Variants in NRG1 observed in about 807,000 individuals in gnomAD.
NRG1 encodes the protein neuregulin 1.
Under a neutral mutation model 63.8 loss-of-function variants are expected in NRG1, and 18 were observed. That is an observed-to-expected ratio of 0.28 (90% CI 0.19 to 0.42). The LOEUF (loss-of-function observed/expected upper bound fraction) is 0.42, where lower values mean the gene tolerates loss of function less well. Ranked by LOEUF, NRG1 falls within the 10% of genes least tolerant of loss-of-function variation. The pLI is 1.00. For synonymous variants in NRG1, 302 were observed against 301.3 expected (o/e 1.00, Z -0.02); for missense variants, 762 against 814.7 (o/e 0.94, Z 0.79).
chr8:31,841,860 A>G (rs1171385042), intron 1 of NRG1, among the ~76,000 whole-genome samples: 1 of 152,192 alleles, frequency 6.6e-6, no homozygotes, highest in Non-Finnish European at 1.5e-5. Context: ...AGATAACATC[A>G]GGCTGCAGAG....
rs541280130 is a variant in NRG1 at position 31,717,226 on chromosome 8, G to A, written c.37+77795G>A. Among the ~76,000 whole-genome samples the A allele has an allele frequency of 9.8e-4, 149 of 152,038 alleles. 1 individual carries two copies. The highest frequency in any genetic ancestry group is 3.5e-3 in the African/African-American group (145 of 41,486). On this transcript the variant is annotated intron_variant, in intron 1 of 10. Transcript: ENST00000519301. ...GTTTGAGACAAGCCTGGCCAATATG[G>A]TGAAACCCTGTGTCTACTAAAAAAA... is the stretch of plus-strand genomic sequence containing the variant.
chr8:32,130,868 G>T (rs890591334), intron 1 of NRG1, among the ~76,000 whole-genome samples: 1 of 151,926 alleles, frequency 6.6e-6, no homozygotes, highest in African/African-American at 2.4e-5. Context: ...AAGAAGGCAG[G>T]GTTGAAAAAG....
chr8:32,638,891 GT>G (rs2129545366), intron 5 of NRG1, among the ~76,000 whole-genome samples: 1 of 152,222 alleles, frequency 6.6e-6, no homozygotes, highest in Non-Finnish European at 1.5e-5. Flanking sequence ...CATCATAAAG[GT>G]TATGACCTTA....
intron 1 of NRG1, among the ~76,000 whole-genome samples, chr8:32,039,190 G>A (rs1819538756): frequency 6.6e-6 from 1 of 152,002 alleles, no homozygotes; most frequent in Admixed American, 6.6e-5. Context: ...TAATCCACAG[G>A]CTTACTATGA....
chr8:31,996,465 T>C (rs327330), intron 1 of NRG1, among the ~76,000 whole-genome samples: 128,950 of 151,980 alleles, frequency 0.85, 55,576 homozygotes, highest in African/African-American at 0.96. Context: ...GGCACGGAGG[T>C]TCATTCCTGT....
intron 1 of NRG1, among the ~76,000 whole-genome samples, chr8:32,339,930 G>A (rs79167246): frequency 0.021 from 3,169 of 152,176 alleles, 106 homozygotes; most frequent in African/African-American, 0.072. Flanking sequence ...CAGGGATTGT[G>A]TTATCTAAAA....
chr8:32,411,131 C>G (rs1006093579), intron 1 of NRG1, among the ~76,000 whole-genome samples: 1 of 152,134 alleles, frequency 6.6e-6, no homozygotes. Context: ...ACCTCAGCCC[C>G]CCAAAGTGCT....
chr8:32,608,481 G>A (rs2129540285), intron 3 of NRG1, among the ~76,000 whole-genome samples: 1 of 152,258 alleles, frequency 6.6e-6, no homozygotes, highest in East Asian at 1.9e-4. Context: ...TGGGATTACA[G>A]GTGTGAGCCG....
intron 5 of NRG1, among the ~76,000 whole-genome samples, chr8:32,703,197 A>T (rs1815410712): frequency 6.6e-6 from 1 of 152,164 alleles, no homozygotes; most frequent in Non-Finnish European, 1.5e-5. Context: ...TAGTCTTATT[A>T]TCTGGCCTTG....
intron 5 of NRG1, among the ~76,000 whole-genome samples, chr8:32,717,288 TTA>T (rs1310171354): frequency 2.6e-5 from 4 of 152,196 alleles, no homozygotes; most frequent in Non-Finnish European, 5.9e-5. Flanking sequence ...GCACTTAAAA[TTA>T]TATGTTTTTT....
rs2130918293 is a variant in NRG1, at chr8:31,657,653, A to G, written c.37+18222A>G. On this transcript the variant is annotated intron_variant, in intron 1 of 10. Transcript: ENST00000519301. ...TGAAGACACCCTGCACAAGATTAGAAGATGGATAAGAAAAGAGAATTAGAA... is the reference window on the plus strand; with the variant it reads ...TGAAGACACCCTGCACAAGATTAGAGGATGGATAAGAAAAGAGAATTAGAA... Among the ~76,000 whole-genome samples the G allele has an allele frequency of 1.3e-5, 2 of 152,324 alleles. 1 individual carries two copies. The highest frequency in any genetic ancestry group is 1.3e-4 in the Admixed American group (2 of 15,304).
chr8:32,012,138 C>A (rs529707512), intron 1 of NRG1, among the ~76,000 whole-genome samples: 2 of 152,188 alleles, frequency 1.3e-5, no homozygotes, highest in South Asian at 4.1e-4. Context: ...TGGAAGCAAG[C>A]AAACCCCTCT....
chr8:31,765,865 A>G (rs1170826105), intron 1 of NRG1, among the ~76,000 whole-genome samples: 4 of 152,130 alleles, frequency 2.6e-5, no homozygotes, highest in African/African-American at 9.7e-5. Context: ...CTGTTTCTTC[A>G]TTTACAAATA....
chr8:31,899,286 T>A (rs1295184786), intron 1 of NRG1, among the ~76,000 whole-genome samples: 1 of 152,058 alleles, frequency 6.6e-6, no homozygotes, highest in African/African-American at 2.4e-5. Flanking sequence ...TCTTTCTTTT[T>A]TTTTGTACCC....
intron 1 of NRG1, among the ~76,000 whole-genome samples, chr8:32,399,114 G>A (rs574381785): frequency 2.7e-4 from 41 of 152,246 alleles, no homozygotes; most frequent in African/African-American, 9.6e-4. Flanking sequence ...ATAGTTAACA[G>A]AAACAGGCAA....
intron 1 of NRG1, among the ~76,000 whole-genome samples, chr8:31,838,241 T>A (rs988477335): frequency 6.6e-6 from 1 of 152,134 alleles, no homozygotes; most frequent in African/African-American, 2.4e-5. Flanking sequence ...CCCACCTTTA[T>A]CACATAAAAA....
chr8:31,657,551 G>T (rs1301263872), intron 1 of NRG1, among the ~76,000 whole-genome samples: 1 of 152,142 alleles, frequency 6.6e-6, no homozygotes. Flanking sequence ...CTGCATTTTT[G>T]AAAAGCTCTC....
intron 1 of NRG1, among the ~76,000 whole-genome samples, chr8:31,740,503 T>C (rs546925147): frequency 6.6e-6 from 1 of 152,032 alleles, no homozygotes; most frequent in African/African-American, 2.4e-5. Context: ...TATTTTTAAA[T>C]AGAAGAAAAT....
At chr8:31,962,813 A>G (rs1805684609) in intron 1 of NRG1, among the ~76,000 whole-genome samples, 1 of 152,024 alleles carries the variant, frequency 6.6e-6, no homozygotes, top group Non-Finnish European at 1.5e-5. Context: ...TTTTAGATCT[A>G]TTTTCTCCCT....
Sources: allele counts gnomAD v4.1 joint callset (sites outside exome capture counted in the v4.1 genomes callset), GRCh38; gene constraint gnomAD v4.1.1; transcripts MANE v1.5; gene names NCBI Gene and HGNC (gene_info 2026-07-23, HGNC 2026-07-21).